The following ZNF704 variants were observed in gnomAD, a reference collection of about 807,000 sequenced individuals.
ZNF704 encodes the protein glucocorticoid induced gene 1.
ZNF704 carries 10 observed loss-of-function variants against 44.7 expected under a neutral mutation model. The observed-to-expected ratio is 0.22, with a 90% CI of 0.14 to 0.38. The LOEUF (loss-of-function observed/expected upper bound fraction) is 0.38, where lower values mean the gene tolerates loss of function less well. Ranked by LOEUF, ZNF704 falls within the 10% of genes least tolerant of loss-of-function variation. The probability of loss-of-function intolerance (pLI) is 1.00; values close to 1 mark genes in which losing one functional copy is unlikely to be tolerated. For missense variants in ZNF704, 390 were observed against 545.5 expected, an observed-to-expected ratio of 0.71 and a Z score of 2.84; for synonymous variants, 211 against 207.6, an observed-to-expected ratio of 1.02 and a Z score of -0.14.
chr8:80,752,259 A>G (rs906640354), intron 2 of ZNF704, among the ~76,000 whole-genome samples: 2 of 152,098 alleles, frequency 1.3e-5, no homozygotes, highest in Non-Finnish European at 1.5e-5. Context: ...CCAAATCAAC[A>G]TTGATCTGCA....
intron 7 of ZNF704, among the ~76,000 whole-genome samples, chr8:80,652,585 C>T (rs1250794291): frequency 6.6e-6 from 1 of 152,104 alleles, no homozygotes; most frequent in African/African-American, 2.4e-5. Context: ...GGATAAATTC[C>T]TCGACACACA....
chr8:80,831,907 G>T (rs901835295), intron 1 of ZNF704, among the ~76,000 whole-genome samples: 16 of 152,132 alleles, frequency 1.1e-4, no homozygotes. Flanking sequence ...CTTGCTTTCC[G>T]AACACTATAA....
In ZNF704 at chr8:80,762,566, T is replaced by C. The variant is rs770220377; in HGVS notation, c.221+58808A>G. 4.6e-5 allele frequency among the ~76,000 whole-genome samples: 7 copies of C among 152,162 alleles called. No individual in the cohort carries two copies. The East Asian group carries it at 1.3e-3, about 29-fold the overall frequency. ...ATCTAATCACCTCCCTCCCTTGACA[T>C]GTGGGGATTACAGGTCCCTACCTCA... is the stretch of plus-strand genomic sequence containing the variant. On this transcript the variant is annotated intron_variant, in intron 2 of 8. Coordinates refer to ENST00000327835, the MANE Select transcript of ZNF704 (RefSeq NM_001033723.3).
chr8:80,732,239 T>C (rs1400901846), intron 2 of ZNF704, among the ~76,000 whole-genome samples: 2 of 152,174 alleles, frequency 1.3e-5, no homozygotes, highest in African/African-American at 4.8e-5. Flanking sequence ...TGTCTCTTGG[T>C]GTTCTATTCT....
At chr8:80,876,315 G>A (rs934820912), upstream of ZNF704, among the ~76,000 whole-genome samples, 5 of 152,226 alleles carry the variant, frequency 3.3e-5, no homozygotes, top group African/African-American at 4.8e-5. Flanking sequence ...TGGAATAGCA[G>A]GGGCTAGCCA....
chr8:80,707,630 T>C lies in ZNF704; in HGVS notation c.222-14523A>G, dbSNP rs547353669. 2.6e-5 allele frequency among the ~76,000 whole-genome samples: 4 copies of C among 152,368 alleles called. No homozygotes were observed. The East Asian group carries it at 7.7e-4, about 29-fold the overall frequency. ...CTATAAAAATGGCAATTTCATATGG[T>C]TCAGCCTGATATTTGTGCTAATTCA... is the stretch of plus-strand genomic sequence containing the variant. On this transcript the variant is annotated intron_variant, in intron 2 of 8. Coordinates refer to ENST00000327835, the MANE Select transcript of ZNF704 (RefSeq NM_001033723.3).
intron 2 of ZNF704, among the ~76,000 whole-genome samples, chr8:80,760,320 T>C (rs1807106104): frequency 6.6e-6 from 1 of 152,196 alleles, no homozygotes; most frequent in Admixed American, 6.5e-5. Flanking sequence ...TGAATTCTCA[T>C]GGATGGGATA....
chr8:80,715,613 C>T (rs1278486432), intron 2 of ZNF704, among the ~76,000 whole-genome samples: 1 of 152,176 alleles, frequency 6.6e-6, no homozygotes, highest in East Asian at 1.9e-4. Context: ...TTGGTCTGAT[C>T]CTGCATGTCT....
chr8:80,699,168 T>A (rs531309601), intron 2 of ZNF704, among the ~76,000 whole-genome samples: 1 of 152,300 alleles, frequency 6.6e-6, no homozygotes, highest in East Asian at 1.9e-4. Context: ...AAATAAAATC[T>A]TTTACTGGAA....
chr8:80,643,050 C>A lies in ZNF704; in HGVS notation c.1112G>T (p.Gly371Val). The part of the protein sequence containing the change: ...AHTVLSSPPR[G>V]TVSLRKPRGE... ...GCTGTCGTACCTTAAGCTGACTGTG[C>A]CTCTGGGTGGGGAGGACAGGACCGT... The change falls in exon 8 of 9, where the codon GGC becomes GTC. Residue 371 changes from glycine to valine, a missense_variant. By Grantham distance (109) the Gly-to-Val change is moderately radical (BLOSUM62 -3). Transcript: ENST00000327835. The A allele has an allele frequency of 6.3e-7, 1 of 1,589,366 alleles. No homozygotes were observed. Among genetic ancestry groups the A allele is most frequent in the Non-Finnish European group, 8.6e-7 (1 of 1,166,936 alleles).
chr8:80,774,149 G>C (rs937115513), intron 2 of ZNF704, among the ~76,000 whole-genome samples: 2 of 151,436 alleles, frequency 1.3e-5, no homozygotes, highest in Non-Finnish European at 2.9e-5. Context: ...TCGATCTCTC[G>C]ATCTCCCAGG....
intron 2 of ZNF704, among the ~76,000 whole-genome samples, chr8:80,783,908 C>A (rs557512730): frequency 1.3e-5 from 2 of 152,280 alleles, no homozygotes; most frequent in African/African-American, 4.8e-5. Context: ...CAACCCCTGG[C>A]AACCACTGAT....
intron 2 of ZNF704, among the ~76,000 whole-genome samples, chr8:80,716,278 G>A (rs537091987): frequency 6.6e-6 from 1 of 152,240 alleles, no homozygotes; most frequent in Admixed American, 6.5e-5. Context: ...AACTTCAAAG[G>A]CCTTGGTGCT....
the ZNF704 span, among the ~76,000 whole-genome samples, chr8:80,882,475 C>T: frequency 6.6e-6 from 1 of 152,198 alleles, no homozygotes; most frequent in South Asian, 2.1e-4. Context: ...TTTTCATATC[C>T]ACTTGTGTGA....
intron 1 of ZNF704, among the ~76,000 whole-genome samples, chr8:80,827,227 T>C (rs1808393567): frequency 6.6e-6 from 1 of 152,192 alleles, no homozygotes; most frequent in Non-Finnish European, 1.5e-5. Flanking sequence ...TTCAGGAAAG[T>C]GTCAGGATAC....
At chr8:80,796,269 G>A (rs1474417486) in intron 2 of ZNF704, among the ~76,000 whole-genome samples, 4 of 152,224 alleles carry the variant, frequency 2.6e-5, no homozygotes, top group African/African-American at 9.6e-5. Flanking sequence ...GGAATCACGT[G>A]TTGAGGGGCC....
At position 80,641,461 on chromosome 8, in the gene ZNF704, C is replaced by T; in HGVS notation, c.1144G>A (p.Gly382Ser). 3.1e-6 allele frequency: 5 copies of T among 1,613,106 alleles called. No individual in the cohort carries two copies. The highest frequency in any genetic ancestry group is 4.2e-6 in the Non-Finnish European group (5 of 1,179,536). The change falls in exon 9 of 9, where the codon GGC (glycine) becomes AGC (serine). Residue 382 changes from glycine to serine, a missense_variant. Gly to Ser is a moderately conservative substitution (Grantham distance 56). Coordinates refer to ENST00000327835, the MANE Select transcript of ZNF704 (RefSeq NM_001033723.3). ...TVSLRKPRGE[G>S]KKCRKVYGME... ...CCGTACACCTTCCGACACTTTTTGC[C>T]CTCTCCCCTGGGCTTCCTGTAAGAC...
intron 2 of ZNF704, among the ~76,000 whole-genome samples, chr8:80,698,458 C>A (rs537837911): frequency 6.6e-6 from 1 of 152,216 alleles, no homozygotes; most frequent in Non-Finnish European, 1.5e-5. Context: ...GGAGGGGCAG[C>A]CCAGGGAGGG....
chr8:80,744,161 T>C (rs1032869372), intron 2 of ZNF704, among the ~76,000 whole-genome samples: 1 of 152,178 alleles, frequency 6.6e-6, no homozygotes, highest in Non-Finnish European at 1.5e-5. Flanking sequence ...GATTACATAT[T>C]GAAATAACAT....
Sources: allele counts gnomAD v4.1 joint callset (sites outside exome capture counted in the v4.1 genomes callset), GRCh38; gene constraint gnomAD v4.1.1; transcripts MANE v1.5; gene names NCBI Gene and HGNC (gene_info 2026-07-23, HGNC 2026-07-21).